Variants in SYT16 observed in about 807,000 individuals in gnomAD.
SYT16 encodes the protein synaptotagmin-16.
SYT16 carries 42 observed loss-of-function variants against 61.4 expected under a neutral mutation model. The ratio of observed to expected loss-of-function variants is 0.68; its 90% confidence interval spans 0.53 to 0.89. The LOEUF is 0.89. Ranked by LOEUF, SYT16 falls within the 40% of genes least tolerant of loss-of-function variation. The pLI, the probability that SYT16 is intolerant of heterozygous loss-of-function variation, is 0.00. For missense variants in SYT16, 804 were observed against 807.3 expected, an observed-to-expected ratio of 1.00 and a Z score of 0.05; for synonymous variants, 314 against 302.3, an observed-to-expected ratio of 1.04 and a Z score of -0.40.
chr14:61,915,450 C>T (rs184753404), intron 1 of SYT16, among the ~76,000 whole-genome samples: 45 of 152,092 alleles, frequency 3.0e-4, no homozygotes, highest in African/African-American at 9.2e-4. Flanking sequence ...TTATAAACAT[C>T]GCATGTTTGA....
intron 1 of SYT16, among the ~76,000 whole-genome samples, chr14:61,946,082 A>C (rs547903756): frequency 6.6e-6 from 1 of 152,196 alleles, no homozygotes; most frequent in South Asian, 2.1e-4. Context: ...TGGAGGAGAG[A>C]TAGCATTAGG....
intron 3 of SYT16, among the ~76,000 whole-genome samples, chr14:62,013,625 C>G (rs938966021): frequency 1.3e-5 from 2 of 152,246 alleles, no homozygotes; most frequent in South Asian, 4.1e-4. Context: ...ATCAGTCTTC[C>G]TCCCCACCTC....
chr14:62,078,053 A>T (rs555616909), intron 5 of SYT16, among the ~76,000 whole-genome samples: 1 of 151,744 alleles, frequency 6.6e-6, no homozygotes, highest in South Asian at 2.1e-4. Context: ...AACCACAGAG[A>T]GTGTGATTCC....
intron 3 of SYT16, among the ~76,000 whole-genome samples, chr14:62,033,369 C>T (rs755542771): frequency 2.2e-4 from 34 of 152,042 alleles, no homozygotes; most frequent in African/African-American, 4.3e-4. Flanking sequence ...CTTTCCTCCC[C>T]GGCCTGTTGC....
At chr14:61,872,061 A>C (rs1218097463) in intron 1 of SYT16, among the ~76,000 whole-genome samples, 1 of 152,220 alleles carries the variant, frequency 6.6e-6, no homozygotes, top group Non-Finnish European at 1.5e-5. Flanking sequence ...AGTATTCAAT[A>C]AATAGTAGTT....
chr14:62,033,045 A>G (rs891478333), intron 3 of SYT16, among the ~76,000 whole-genome samples: 1 of 152,006 alleles, frequency 6.6e-6, no homozygotes. Context: ...ACTGAAGTTC[A>G]GTTAGCATAC....
intron 1 of SYT16, among the ~76,000 whole-genome samples, chr14:61,947,840 A>T (rs1363098189): frequency 6.6e-6 from 1 of 152,204 alleles, no homozygotes; most frequent in Non-Finnish European, 1.5e-5. Context: ...GCCAGGTGGG[A>T]CTTGGATAGG....
upstream of SYT16, chr14:61,812,290 C>G (rs1005730278): frequency 6.6e-6 from 1 of 152,402 alleles, no homozygotes. Context: ...TTGCTCCTTC[C>G]AGCTGGGGCT....
intron 3 of SYT16, among the ~76,000 whole-genome samples, chr14:62,028,429 A>G (rs2054183205): frequency 6.6e-6 from 1 of 152,224 alleles, no homozygotes; most frequent in Non-Finnish European, 1.5e-5. Flanking sequence ...GGCACAGAGC[A>G]TTTAAACTTA....
intron 1 of SYT16, among the ~76,000 whole-genome samples, chr14:61,824,632 G>A (rs748962024): frequency 5.9e-5 from 9 of 152,094 alleles, no homozygotes; most frequent in Admixed American, 3.3e-4. Context: ...GATTACAGGC[G>A]TGAGCCACCG....
intron 5 of SYT16, among the ~76,000 whole-genome samples, chr14:62,080,438 A>G (rs977225859): frequency 6.6e-6 from 1 of 152,234 alleles, no homozygotes; most frequent in African/African-American, 2.4e-5. Context: ...GCTCAGGCTC[A>G]ACCATCTGTA....
intron 3 of SYT16, among the ~76,000 whole-genome samples, chr14:62,034,763 C>T (rs919970253): frequency 1.3e-4 from 19 of 151,952 alleles, no homozygotes; most frequent in Admixed American, 9.2e-4. Context: ...GTTTCCTTTT[C>T]GTGTGGTGAA....
chr14:62,011,432 G>A (rs116734753), intron 3 of SYT16, among the ~76,000 whole-genome samples: 289 of 152,200 alleles, frequency 1.9e-3, no homozygotes, highest in African/African-American at 6.4e-3. Flanking sequence ...AGAAAATCCT[G>A]GGATTAGCAC....
At chr14:62,037,818 T>G (rs933134559) in intron 3 of SYT16, among the ~76,000 whole-genome samples, 2 of 152,192 alleles carry the variant, frequency 1.3e-5, no homozygotes, top group African/African-American at 4.8e-5. Flanking sequence ...TCTGATTTCT[T>G]AAGTGAACCT....
In SYT16 at chr14:61,956,883, A is replaced by AT. The variant is rs1033139988; in HGVS notation, c.-324-13241dup. Among the ~76,000 whole-genome samples the AT allele has an allele frequency of 1.3e-3, 196 of 151,578 alleles. 2 individuals are homozygous for AT. Among genetic ancestry groups the AT allele is most frequent in the African/African-American group, 4.5e-3 (187 of 41,374 alleles). On this transcript the variant is annotated intron_variant, in intron 1 of 7. Transcript: ENST00000683842. ...GACAGGGATTGCATTAAATCTATAG[A>AT]TTTTTTTTAAATCTGTACATTGCTA...
intron 3 of SYT16, among the ~76,000 whole-genome samples, chr14:62,044,638 T>C (rs906305306): frequency 1.5e-4 from 23 of 152,188 alleles, no homozygotes; most frequent in African/African-American, 4.8e-4. Context: ...AACTCATTCT[T>C]TTTTATGGCT....
chr14:61,826,998 G>A (rs1480740593), intron 1 of SYT16, among the ~76,000 whole-genome samples: 1 of 151,898 alleles, frequency 6.6e-6, no homozygotes, highest in East Asian at 1.9e-4. Flanking sequence ...TTAAATTAGA[G>A]TCCCACCCTT....
intron 3 of SYT16, among the ~76,000 whole-genome samples, chr14:62,037,285 C>A (rs1426172859): frequency 6.6e-6 from 1 of 152,020 alleles, no homozygotes; most frequent in Non-Finnish European, 1.5e-5. Flanking sequence ...TATGTAACTT[C>A]CTTGCATACT....
chr14:61,850,137 T>C (rs2046568051), intron 1 of SYT16, among the ~76,000 whole-genome samples: 1 of 152,124 alleles, frequency 6.6e-6, no homozygotes, highest in South Asian at 2.1e-4. Context: ...TCTTTTTCTT[T>C]TTCTTTTTTT....
Sources: gnomAD v4.1 joint callset for allele counts (sites outside exome capture counted in the v4.1 genomes callset) on GRCh38, gnomAD v4.1.1 for gene constraint, MANE v1.5 for transcripts, NCBI Gene and HGNC (gene_info 2026-07-23, HGNC 2026-07-21) for gene names.